COL8A1: variants seen among roughly 807,000 people sequenced by gnomAD.
COL8A1 encodes collagen type VIII alpha 1 chain.
Under a neutral mutation model 42.7 loss-of-function variants are expected in COL8A1, and 21 were observed. The ratio of observed to expected loss-of-function variants is 0.49; its 90% CI spans 0.35 to 0.71. The LOEUF (loss-of-function observed/expected upper bound fraction) is 0.71. Ranked by LOEUF, COL8A1 falls within the 30% of genes least tolerant of loss-of-function variation. The pLI is 0.01. For missense variants in COL8A1, 788 were observed against 962.4 expected (o/e 0.82, Z 2.40); for synonymous variants, 367 against 369.1 (o/e 0.99, Z 0.06).
chr3:99,747,337 A>C (rs1413752755), intron 2 of COL8A1, among the ~76,000 whole-genome samples: 1 of 152,244 alleles, frequency 6.6e-6, no homozygotes, highest in Non-Finnish European at 1.5e-5. Flanking sequence ...CCTTACACAT[A>C]GTATGTACTA....
intron 1 of COL8A1, among the ~76,000 whole-genome samples, chr3:99,670,492 T>C (rs1384612432): frequency 6.6e-6 from 1 of 152,094 alleles, no homozygotes; most frequent in African/African-American, 2.4e-5. Context: ...TTAGTTTTGA[T>C]TGATAAATCA....
chr3:99,767,150 C>T (rs1358243441), intron 2 of COL8A1, among the ~76,000 whole-genome samples: 1 of 152,108 alleles, frequency 6.6e-6, no homozygotes, highest in Admixed American at 6.6e-5. Context: ...TCATCTTTTC[C>T]CTATGAGTTT....
chr3:99,682,630 G>C (rs1207421451), intron 1 of COL8A1, among the ~76,000 whole-genome samples: 1 of 146,534 alleles, frequency 6.8e-6, no homozygotes, highest in Non-Finnish European at 1.5e-5. Context: ...AAAAAAAAAA[G>C]AAGTGCCTTA....
intron 2 of COL8A1, among the ~76,000 whole-genome samples, chr3:99,753,352 A>G (rs1285996925): frequency 2.0e-5 from 3 of 152,160 alleles, no homozygotes; most frequent in Non-Finnish European, 4.4e-5. Flanking sequence ...AAGTAAACCC[A>G]CACTTCTGTG....
intron 2 of COL8A1, among the ~76,000 whole-genome samples, chr3:99,760,276 G>T (rs1399178388): frequency 1.3e-5 from 2 of 152,130 alleles, no homozygotes; most frequent in African/African-American, 2.4e-5. Flanking sequence ...CATCTTTGAG[G>T]AATTCCTGGT....
intron 1 of COL8A1, among the ~76,000 whole-genome samples, chr3:99,706,670 A>T (rs1939687348): frequency 6.6e-6 from 1 of 152,214 alleles, no homozygotes; most frequent in South Asian, 2.1e-4. Context: ...CTTCACCATA[A>T]AACTTAAATG....
rs970175509 is a variant in COL8A1 at position 99,793,070 on chromosome 3, C to T, written c.329-1160C>T. Among the ~76,000 whole-genome samples the T allele has an allele frequency of 2.0e-5, 3 of 152,072 alleles. No homozygotes were observed. In the East Asian group the frequency reaches 5.8e-4, roughly 29 times the overall value. The stretch of plus-strand genomic sequence containing the variant: ...TCTTAAATGTGGAATCTAAAACAAT[C>T]GAACTCATAGAAACCCAGAGGAGAA... On this transcript the variant is annotated intron_variant, in intron 3 of 3. Transcript: ENST00000652472.
intron 2 of COL8A1, among the ~76,000 whole-genome samples, chr3:99,772,733 A>T (rs1404592417): frequency 6.6e-6 from 1 of 152,202 alleles, no homozygotes; most frequent in Non-Finnish European, 1.5e-5. Flanking sequence ...AACCCCAAGC[A>T]GCATGATGGG....
At chr3:99,751,054 T>C (rs1033411194) in intron 2 of COL8A1, among the ~76,000 whole-genome samples, 5 of 152,218 alleles carry the variant, frequency 3.3e-5, no homozygotes, top group Non-Finnish European at 7.3e-5. Flanking sequence ...ATTTTAGAGA[T>C]GCCATTTAAA....
intron 1 of COL8A1, among the ~76,000 whole-genome samples, chr3:99,710,547 C>T (rs897506271): frequency 2.0e-5 from 3 of 152,118 alleles, no homozygotes; most frequent in Non-Finnish European, 4.4e-5. Context: ...TGTGGAAATT[C>T]GAGCATAAAG....
Position 99,796,007 on chromosome 3 carries a change from G to T in COL8A1, c.2106G>T (p.Gly702=), listed in dbSNP as rs372983340. The change falls in exon 4 of 4, where the codon GGG becomes GGT. Residue 702 remains glycine (G), a synonymous_variant. Coordinates refer to ENST00000652472, the MANE Select transcript of COL8A1 (RefSeq NM_020351.4). ...AGGGCTTCCTGGACCAGGCATCTGG[G>T]AGTGCAGTGCTGCTGCTCAGGCCCG... The part of the protein sequence containing the change: ...YKKGFLDQAS[G]SAVLLLRPGD... The T allele has an allele frequency of 6.2e-7, 1 of 1,613,862 alleles. No individual in the cohort carries two copies. Among genetic ancestry groups the T allele is most frequent in the African/African-American group, 1.3e-5 (1 of 74,932 alleles).
Position 99,790,725 on chromosome 3 carries a change from C to G in COL8A1, c.43C>G (p.Leu15Val), listed in dbSNP as rs1455060071. ...CCCTCTGCAGCTGCTGGGAGTGCTGCTTACCATTTCCCTGAGTTCCATCAG... is the reference window on the plus strand; with the variant it reads ...CCCTCTGCAGCTGCTGGGAGTGCTGGTTACCATTTCCCTGAGTTCCATCAG... ...PGPLQLLGVL[L>V]TISLSSIRLI... The change falls in exon 3 of 4, where the codon CTT (leucine) becomes GTT (valine). Residue 15 changes from leucine to valine, a missense_variant. Coordinates refer to ENST00000652472, the MANE Select transcript of COL8A1 (RefSeq NM_020351.4). 6.2e-7 allele frequency: 1 copy of G among 1,614,050 alleles called. No individual in the cohort carries two copies. Among genetic ancestry groups the G allele is most frequent in the East Asian group, 2.2e-5 (1 of 44,892 alleles).
chr3:99,652,318 G>A (rs1425725650), intron 1 of COL8A1, among the ~76,000 whole-genome samples: 2 of 152,188 alleles, frequency 1.3e-5, no homozygotes, highest in African/African-American at 2.4e-5. Context: ...TATAATTAAT[G>A]ATGATAATAA....
In COL8A1 at chr3:99,795,819, T is replaced by A. The variant is rs967877876; in HGVS notation, c.1918T>A (p.Tyr640Asn). Reference sequence around the variant, plus strand: ...CCCAGTGAAGTTTAACAAACTGCTGTATAACGGCAGACAGAACTACAACCC... The same window carrying A: ...CCCAGTGAAGTTTAACAAACTGCTGAATAACGGCAGACAGAACTACAACCC... ...GAPVKFNKLL[Y>N]NGRQNYNPQT... The change falls in exon 4 of 4, where the codon TAT becomes AAT. Residue 640 changes from tyrosine (Y) to asparagine (N), a missense_variant. Tyr to Asn is a moderately radical substitution (Grantham distance 143). Around this residue, in one of 4 missense-constraint regions of COL8A1, gnomAD observed 212 missense variants for 210.9 expected, o/e 1.00. Transcript: ENST00000652472. The A allele has an allele frequency of 6.2e-7, 1 of 1,614,178 alleles. No homozygotes were observed. The highest frequency in any genetic ancestry group is 1.7e-5 in the Admixed American group (1 of 60,030).
intron 1 of COL8A1, among the ~76,000 whole-genome samples, chr3:99,641,312 CTT>C (rs1348624218): frequency 6.6e-6 from 1 of 152,056 alleles, no homozygotes; most frequent in African/African-American, 2.4e-5. Context: ...CATGTCTGCT[CTT>C]GTCTTTTTAT....
intron 2 of COL8A1, among the ~76,000 whole-genome samples, chr3:99,756,910 T>C (rs1445782386): frequency 2.6e-5 from 4 of 152,348 alleles, no homozygotes; most frequent in African/African-American, 4.8e-5. Context: ...TCCAAGGAAA[T>C]GTGGTTTCTT....
Position 99,795,974 on chromosome 3 carries a change from G to A in COL8A1, c.2073G>A (p.Glu691=), listed in dbSNP as rs759186515. The A allele has an allele frequency of 1.4e-5, 22 of 1,614,022 alleles. No homozygotes were observed. The highest frequency in any genetic ancestry group is 1.9e-5 in the Non-Finnish European group (22 of 1,179,934). ...AGCCCGTGATGTACACGTACGACGA[G>A]TACAAAAAGGGCTTCCTGGACCAGG... ...NNEPVMYTYD[E]YKKGFLDQAS... The change falls in exon 4 of 4, where the codon GAG becomes GAA. Residue 691 remains glutamate (E), a synonymous_variant. Transcript: ENST00000652472.
intron 2 of COL8A1, among the ~76,000 whole-genome samples, chr3:99,768,183 GA>G (rs1941501143): frequency 6.6e-6 from 1 of 152,168 alleles, no homozygotes; most frequent in Non-Finnish European, 1.5e-5. Flanking sequence ...TCAAACTCTT[GA>G]AAGTTAAGGA....
At chr3:99,753,740 T>C (rs1941199137) in intron 2 of COL8A1, among the ~76,000 whole-genome samples, 2 of 152,220 alleles carry the variant, frequency 1.3e-5, no homozygotes, top group Non-Finnish European at 2.9e-5. Flanking sequence ...ATCTCAGTAC[T>C]ATGAAAATAA....
Sources: allele counts gnomAD v4.1 joint callset (sites outside exome capture counted in the v4.1 genomes callset), GRCh38; gene constraint gnomAD v4.1.1; regional missense constraint gnomAD v4.1.1; transcripts MANE v1.5; gene names NCBI Gene and HGNC (gene_info 2026-07-23, HGNC 2026-07-21).